The following PRKG1 variants were observed in gnomAD, a reference collection of about 807,000 sequenced individuals.
The protein encoded by PRKG1 is protein kinase cGMP-dependent 1.
PRKG1 carries 35 observed loss-of-function variants against 88.1 expected under a neutral mutation model. The ratio of observed to expected loss-of-function variants is 0.40; its 90% confidence interval spans 0.30 to 0.53. The LOEUF (loss-of-function observed/expected upper bound fraction) is 0.53. PRKG1 is among the 20% of genes least tolerant of loss of function. The probability of loss-of-function intolerance (pLI) is 0.59; values close to 1 mark genes in which losing one functional copy is unlikely to be tolerated. For synonymous variants in PRKG1, 303 were observed against 292.5 expected, an observed-to-expected ratio of 1.04 and a Z score of -0.37; for missense variants, 540 against 839.8, an observed-to-expected ratio of 0.64 and a Z score of 4.41.
intron 7 of PRKG1, among the ~76,000 whole-genome samples, chr10:52,120,231 C>T (rs1847788520): frequency 6.6e-6 from 1 of 152,170 alleles, no homozygotes. Context: ...CCACTCAATA[C>T]TGTTGCACTG....
chr10:51,737,557 C>T (rs187261264), intron 3 of PRKG1, among the ~76,000 whole-genome samples: 5 of 152,022 alleles, frequency 3.3e-5, no homozygotes, highest in African/African-American at 7.2e-5. Flanking sequence ...TGGATGTTGT[C>T]GGACAGGGAC....
intron 4 of PRKG1, among the ~76,000 whole-genome samples, chr10:51,819,044 G>C (rs1321583666): frequency 1.6e-5 from 1 of 60,704 alleles, no homozygotes; most frequent in East Asian, 4.2e-4. Context: ...AAAAAAAAAA[G>C]AATACCAGAG....
chr10:51,173,625 G>T (rs556978333), intron 2 of PRKG1, among the ~76,000 whole-genome samples: 18 of 151,804 alleles, frequency 1.2e-4, no homozygotes, highest in African/African-American at 3.9e-4. Context: ...TTTAGCTTTC[G>T]ATGTCTTCTA....
At chr10:52,226,383 C>T (rs913628846) in intron 9 of PRKG1, among the ~76,000 whole-genome samples, 2 of 152,118 alleles carry the variant, frequency 1.3e-5, no homozygotes, top group African/African-American at 4.8e-5. Flanking sequence ...ACAGAAGTTC[C>T]CTGGAATCAT....
At chr10:52,124,180 T>G (rs1847881569) in intron 7 of PRKG1, among the ~76,000 whole-genome samples, 1 of 152,098 alleles carries the variant, frequency 6.6e-6, no homozygotes, top group South Asian at 2.1e-4. Context: ...GCAATTTAAA[T>G]GGTGTTATTT....
intron 7 of PRKG1, chr10:52,125,715 C>G (rs1331872366): frequency 1.3e-5 from 2 of 152,148 alleles, no homozygotes; most frequent in African/African-American, 4.8e-5. Flanking sequence ...TGTATTTTTC[C>G]TTCTTCACAA....
At chr10:51,722,482 A>G (rs1842037269) in intron 3 of PRKG1, among the ~76,000 whole-genome samples, 1 of 151,896 alleles carries the variant, frequency 6.6e-6, no homozygotes, top group African/African-American at 2.4e-5. Context: ...TTATGTTGAT[A>G]CTTATTAAGT....
chr10:51,790,043 G>A (rs555312140), intron 3 of PRKG1, among the ~76,000 whole-genome samples: 2 of 151,956 alleles, frequency 1.3e-5, no homozygotes, highest in Non-Finnish European at 2.9e-5. Context: ...GGCTGATGTC[G>A]AACTCCTGAC....
chr10:52,275,264 T>C (rs1841845445), intron 12 of PRKG1, among the ~76,000 whole-genome samples: 1 of 152,170 alleles, frequency 6.6e-6, no homozygotes, highest in Non-Finnish European at 1.5e-5. Context: ...CCTAAGCCAA[T>C]GTCTAGAAGG....
intron 3 of PRKG1, among the ~76,000 whole-genome samples, chr10:51,800,194 G>A (rs1839129939): frequency 6.6e-6 from 1 of 151,900 alleles, no homozygotes; most frequent in South Asian, 2.1e-4. Flanking sequence ...AAAAATAAGG[G>A]TGCTCTTTTT....
chr10:52,134,465 C>T (rs1324438452), intron 8 of PRKG1, among the ~76,000 whole-genome samples: 1 of 152,074 alleles, frequency 6.6e-6, no homozygotes, highest in African/African-American at 2.4e-5. Flanking sequence ...ATCCCTGTTT[C>T]TTCTCTCAGT....
At chr10:51,926,482 G>C (rs777784645) in intron 5 of PRKG1, among the ~76,000 whole-genome samples, 2 of 152,012 alleles carry the variant, frequency 1.3e-5, no homozygotes, top group African/African-American at 4.8e-5. Flanking sequence ...AGTTTATTCC[G>C]AGAAAAGCTG....
intron 5 of PRKG1, among the ~76,000 whole-genome samples, chr10:51,944,598 A>G (rs1033454792): frequency 6.6e-6 from 1 of 152,132 alleles, no homozygotes; most frequent in African/African-American, 2.4e-5. Flanking sequence ...ATTTAGTGCT[A>G]TAAATTTCCT....
At chr10:51,260,872 A>G (rs1360393102) in intron 2 of PRKG1, among the ~76,000 whole-genome samples, 1 of 152,262 alleles carries the variant, frequency 6.6e-6, no homozygotes, top group East Asian at 1.9e-4. Context: ...TTTAGAATGT[A>G]GATTTTAGCA....
chr10:51,788,154 G>A (rs1456937401), intron 3 of PRKG1, among the ~76,000 whole-genome samples: 1 of 152,062 alleles, frequency 6.6e-6, no homozygotes, highest in African/African-American at 2.4e-5. Flanking sequence ...TTTTTCCTAT[G>A]GAAGATACCA....
chr10:52,108,748 C>G (rs2132583506), intron 7 of PRKG1, among the ~76,000 whole-genome samples: 1 of 150,670 alleles, frequency 6.6e-6, no homozygotes. Context: ...TTTTCCTCTT[C>G]TTTGTTAGAT....
intron 1 of PRKG1, among the ~76,000 whole-genome samples, chr10:51,123,627 G>A (rs752818013): frequency 3.7e-4 from 56 of 151,722 alleles, no homozygotes; most frequent in Admixed American, 6.6e-4. Context: ...TGGAGGTTGC[G>A]GTGAGCTGAG....
chr10:51,058,802 G>C (rs998563903), intron 1 of PRKG1, among the ~76,000 whole-genome samples: 2 of 152,090 alleles, frequency 1.3e-5, no homozygotes, highest in African/African-American at 4.8e-5. Flanking sequence ...CTCACAGTTA[G>C]AGCTACAAAT....
At chr10:51,206,563 C>T (rs1353687472) in intron 2 of PRKG1, among the ~76,000 whole-genome samples, 5 of 151,546 alleles carry the variant, frequency 3.3e-5, no homozygotes, top group Non-Finnish European at 7.4e-5. Context: ...AACTTAAAAC[C>T]AATCTTAGGC....
Sources: allele counts gnomAD v4.1 joint callset (sites outside exome capture counted in the v4.1 genomes callset), GRCh38; gene constraint gnomAD v4.1.1; transcripts MANE v1.5; gene names NCBI Gene and HGNC (gene_info 2026-07-23, HGNC 2026-07-21).